DENND2B: variants seen among roughly 807,000 people sequenced by gnomAD.
DENND2B encodes the protein DENN domain containing 2B.
A neutral mutation model predicts 116.0 loss-of-function variants in DENND2B; 32 were observed. That is an observed-to-expected ratio of 0.28 (90% CI 0.21 to 0.37). The LOEUF is 0.37. Among genes scored for constraint, DENND2B ranks in the 10% least tolerant of loss-of-function variants. The pLI, the probability that DENND2B is intolerant of heterozygous loss-of-function variation, is 1.00. For synonymous variants in DENND2B, 588 were observed against 583.9 expected, an observed-to-expected ratio of 1.01 and a Z score of -0.10; for missense variants, 1,276 against 1,477.7, an observed-to-expected ratio of 0.86 and a Z score of 2.24.
chr11:8,725,610 G>A (rs528140753), intron 4 of DENND2B, among the ~76,000 whole-genome samples: 7 of 152,042 alleles, frequency 4.6e-5, no homozygotes, highest in East Asian at 3.9e-4. Context: ...CACCAGCCTC[G>A]GCCTCCCAAA....
intron 13 of DENND2B, among the ~76,000 whole-genome samples, chr11:8,704,864 T>A (rs192200447): frequency 6.7e-6 from 1 of 149,442 alleles, no homozygotes; most frequent in African/African-American, 2.5e-5. Flanking sequence ...CACCTGGCAA[T>A]TTTTTTTTTG....
At chr11:8,779,215 G>A (rs1238426155) in intron 1 of DENND2B, among the ~76,000 whole-genome samples, 2 of 152,246 alleles carry the variant, frequency 1.3e-5, no homozygotes, top group East Asian at 3.9e-4. Context: ...ATGTGAGCCA[G>A]ACTGTAAAGG....
intron 5 of DENND2B, among the ~76,000 whole-genome samples, chr11:8,716,340 G>A (rs2044779350): frequency 6.6e-6 from 1 of 152,202 alleles, no homozygotes; most frequent in Non-Finnish European, 1.5e-5. Flanking sequence ...GGGCCAGGCA[G>A]GCCTCACACT....
intron 1 of DENND2B, among the ~76,000 whole-genome samples, chr11:8,778,257 A>C (rs1469348349): frequency 2.0e-5 from 3 of 152,358 alleles, no homozygotes; most frequent in South Asian, 2.1e-4. Context: ...CTAGTCTTTG[A>C]AGCCTGTGGC....
chr11:8,828,996 G>A (rs2062090341), intron 4 of DENND2B, among the ~76,000 whole-genome samples: 1 of 150,542 alleles, frequency 6.6e-6, no homozygotes, highest in African/African-American at 2.4e-5. Context: ...TGTGTGTGGT[G>A]TGTGTGTAGT....
intron 1 of DENND2B, among the ~76,000 whole-genome samples, chr11:8,793,201 TA>T (rs1298101990): frequency 6.6e-6 from 1 of 152,212 alleles, no homozygotes; most frequent in East Asian, 1.9e-4. Flanking sequence ...TTAATTGCAG[TA>T]AAGTATATAA....
upstream of DENND2B, among the ~76,000 whole-genome samples, chr11:8,814,296 C>G (rs1430932896): frequency 1.8e-5 from 2 of 111,656 alleles, no homozygotes; most frequent in Admixed American, 1.1e-4. Context: ...AACACCAGAT[C>G]AGGTCATTTC....
At chr11:8,708,121 G>A (rs1201330274) in intron 11 of DENND2B, 11 of 1,381,388 alleles carry the variant, frequency 8.0e-6, no homozygotes, top group Non-Finnish European at 1.0e-5. Flanking sequence ...CCTCCCAGGA[G>A]GACGCTGACG....
intron 1 of DENND2B, among the ~76,000 whole-genome samples, chr11:8,781,615 TACACACAC>T (rs35118063): frequency 0.019 from 2,807 of 148,998 alleles, 87 homozygotes; most frequent in African/African-American, 0.066. Context: ...AATTTAGGAA[TACACACAC>T]ACACACACAC....
In DENND2B at chr11:8,890,890, A is replaced by C. The variant is rs530489804; in HGVS notation, c.-255-9781T>G. ...CATTCAAATTCAGGAAATACAGAGAACACCACAAAGATACTCCTCGAGAAG... is the reference window on the plus strand; with the variant it reads ...CATTCAAATTCAGGAAATACAGAGACCACCACAAAGATACTCCTCGAGAAG... On this transcript the variant is annotated intron_variant, in intron 1 of 22. Coordinates refer to the DENND2B transcript ENST00000534127. Among the ~76,000 whole-genome samples, 7 of 152,300 alleles carry C rather than the reference A, an allele frequency of 4.6e-5. No individual in the cohort carries two copies. In the South Asian group the frequency reaches 1.4e-3, roughly 32 times the overall value.
intron 1 of DENND2B, among the ~76,000 whole-genome samples, chr11:8,773,177 T>C (rs1210157589): frequency 1.3e-5 from 2 of 151,912 alleles, no homozygotes; most frequent in African/African-American, 4.8e-5. Context: ...CAGACCCCTT[T>C]CCCTTAAATG....
chr11:8,893,296 G>T (rs1191111373), intron 1 of DENND2B, among the ~76,000 whole-genome samples: 1 of 152,126 alleles, frequency 6.6e-6, no homozygotes, highest in Non-Finnish European at 1.5e-5. Flanking sequence ...ATATCATACT[G>T]AATGGGCAAA....
intron 6 of DENND2B, among the ~76,000 whole-genome samples, chr11:8,714,932 C>A (rs1274679302): frequency 6.6e-6 from 1 of 152,102 alleles, no homozygotes; most frequent in Admixed American, 6.5e-5. Flanking sequence ...TCTCCTGCCC[C>A]AAGACAAGGA....
At chr11:8,881,816 A>G (rs962238556) in intron 1 of DENND2B, among the ~76,000 whole-genome samples, 1 of 152,168 alleles carries the variant, frequency 6.6e-6, no homozygotes, top group Non-Finnish European at 1.5e-5. Context: ...AAGCGCTGGG[A>G]TTACAGGCGT....
intron 1 of DENND2B, chr11:8,776,063 C>A (rs1216656671): frequency 2.8e-6 from 1 of 351,828 alleles, no homozygotes; most frequent in East Asian, 8.0e-5. Flanking sequence ...CCTCTTCAGC[C>A]AGCCCTGGCC....
chr11:8,785,958 T>C (rs902947693), intron 1 of DENND2B, among the ~76,000 whole-genome samples: 1 of 152,220 alleles, frequency 6.6e-6, no homozygotes, highest in African/African-American at 2.4e-5. Context: ...CCAAAGTCTA[T>C]GGGTCTGCCT....
chr11:8,701,776 G>A (rs748231002), intron 14 of DENND2B, among the ~76,000 whole-genome samples: 5 of 152,002 alleles, frequency 3.3e-5, no homozygotes, highest in South Asian at 2.1e-4. Flanking sequence ...ACTGCCTCAC[G>A]TCCAGTGACC....
rs1182862228 is a variant in DENND2B, at chr11:8,707,956, C to G, written c.2353-102G>C. The G allele has an allele frequency of 6.5e-7, 1 of 1,539,580 alleles. No individual in the cohort carries two copies. The highest frequency in any genetic ancestry group is 8.7e-7 in the Non-Finnish European group (1 of 1,146,278). ...TGGGAACGGAGGAGTAAGGACTGCC[C>G]TTCTAGTGGAGGAAGACTTTAAGCC... On this transcript the variant is annotated intron_variant, in intron 11 of 19. Transcript: ENST00000313726. The surrounding 1 kb of genome is among the most constrained non-coding windows in gnomAD (Gnocchi z 4.8).
intron 1 of DENND2B, among the ~76,000 whole-genome samples, chr11:8,761,682 T>A (rs1315980911): frequency 6.6e-6 from 1 of 152,144 alleles, no homozygotes; most frequent in Non-Finnish European, 1.5e-5. Context: ...TTCTCACCCT[T>A]CCCACGCTCT....
Sources: gnomAD v4.1 joint callset for allele counts (sites outside exome capture counted in the v4.1 genomes callset) on GRCh38, gnomAD v4.1.1 for gene constraint, Gnocchi (gnomAD v3.1) non-coding constraint, MANE v1.5 for transcripts, NCBI Gene and HGNC (gene_info 2026-07-23, HGNC 2026-07-21) for gene names.